The following THADA variants were observed in gnomAD, a reference collection of about 807,000 sequenced individuals.
THADA encodes the protein THADA armadillo repeat containing, also known as tRNA (32-2'-O)-methyltransferase regulator THADA.
In THADA, 213 loss-of-function variants were observed where a neutral mutation model predicts 219.8. The observed-to-expected ratio is 0.97, with a 90% CI of 0.87 to 1.09. THADA has a LOEUF of 1.09. Among genes scored for constraint, THADA ranks in the 50% least tolerant of loss-of-function variants. THADA has a pLI of 0.00. For synonymous variants in THADA, 1,018 were observed against 828.9 expected (o/e 1.23, Z -3.92); for missense variants, 2,956 against 2,311.3 (o/e 1.28, Z -5.72).
chr2:43,402,902 G>T (rs1424117250), intron 28 of THADA, among the ~76,000 whole-genome samples: 1 of 152,226 alleles, frequency 6.6e-6, no homozygotes, highest in African/African-American at 2.4e-5. Context: ...TGGCAAGAAA[G>T]AAGTCCTTTC....
At chr2:43,319,475 T>C (rs900017000) in intron 31 of THADA, among the ~76,000 whole-genome samples, 4 of 152,300 alleles carry the variant, frequency 2.6e-5, no homozygotes, top group South Asian at 4.1e-4. Context: ...TGGGCTAATA[T>C]ACATCGATCT....
chr2:43,266,825 G>T (rs1177616879), intron 36 of THADA, among the ~76,000 whole-genome samples: 1 of 152,164 alleles, frequency 6.6e-6, no homozygotes, highest in Admixed American at 6.5e-5. Flanking sequence ...CAGGTTGACT[G>T]GCACAAGGAG....
At chr2:43,455,021 A>G (rs1437798107) in intron 26 of THADA, among the ~76,000 whole-genome samples, 1 of 151,702 alleles carries the variant, frequency 6.6e-6, no homozygotes, top group Non-Finnish European at 1.5e-5. Context: ...CATGTTCTTT[A>G]GTTCTACATG....
At chr2:43,291,051 T>C (rs966358499) in intron 34 of THADA, among the ~76,000 whole-genome samples, 12 of 151,998 alleles carry the variant, frequency 7.9e-5, no homozygotes, top group South Asian at 2.1e-4. Context: ...CTTACTCCTC[T>C]TTAAATAAAG....
chr2:43,515,361 TATATA>T (rs1691578295), intron 22 of THADA, among the ~76,000 whole-genome samples: 1 of 86,644 alleles, frequency 1.2e-5, no homozygotes, highest in Non-Finnish European at 2.1e-5. Flanking sequence ...TTATATATAA[TATATA>T]ATATATAATA....
chr2:43,524,306 T>C (rs1692879376), intron 22 of THADA, among the ~76,000 whole-genome samples: 1 of 152,230 alleles, frequency 6.6e-6, no homozygotes, highest in Non-Finnish European at 1.5e-5. Context: ...TAGATGATTG[T>C]TTAATAGTGA....
chr2:43,294,122 T>TA (rs1675076042), intron 31 of THADA, among the ~76,000 whole-genome samples: 1 of 152,232 alleles, frequency 6.6e-6, no homozygotes, highest in African/African-American at 2.4e-5. Context: ...AGCCCAAGTA[T>TA]ATCCCTGTTA....
chr2:43,393,406 G>C (rs576780389), intron 29 of THADA, among the ~76,000 whole-genome samples: 3 of 152,256 alleles, frequency 2.0e-5, no homozygotes, highest in East Asian at 1.9e-4. Flanking sequence ...ACAGGCTTTA[G>C]AGTTTAATAT....
intron 11 of THADA, among the ~76,000 whole-genome samples, chr2:43,573,848 G>A (rs1445122996): frequency 1.3e-5 from 2 of 152,116 alleles, no homozygotes; most frequent in Admixed American, 6.5e-5. Flanking sequence ...TCAATGGGAT[G>A]TTTACCCCTA....
At chr2:43,594,666 T>G (rs1368312376) in intron 1 of THADA, among the ~76,000 whole-genome samples, 3 of 152,188 alleles carry the variant, frequency 2.0e-5, no homozygotes, top group Non-Finnish European at 4.4e-5. Flanking sequence ...CCTGCCTTCC[T>G]CCACTCTTCA....
intron 28 of THADA, among the ~76,000 whole-genome samples, chr2:43,418,159 T>C (rs1320755192): frequency 2.0e-5 from 3 of 152,186 alleles, no homozygotes; most frequent in East Asian, 1.9e-4. Flanking sequence ...AATGAATAAA[T>C]GAATTTGCCC....
rs759256470 is a variant in THADA, at chr2:43,279,913, G to A, written c.5165-17C>T. ...CCTGCAACTCTAAGAAGACCAAAAG[G>A]AATCTGAATTACCTAGAATGCAATT... On this transcript the variant is annotated splice_polypyrimidine_tract_variant and intron_variant, in intron 35 of 37. Coordinates refer to ENST00000405975, the MANE Select transcript of THADA (RefSeq NM_022065.5). The A allele has an allele frequency of 1.3e-6, 2 of 1,500,142 alleles. No individual in the cohort carries two copies. Among genetic ancestry groups the A allele is most frequent in the Non-Finnish European group, 1.8e-6 (2 of 1,130,556 alleles). The allele number at this position is 1,500,142 out of a possible 1,614,324, so 92.9% of individuals were successfully genotyped here. A position where few individuals can be genotyped will look rare whatever the true frequency, so the allele number is the denominator to read the frequency against.
chr2:43,548,877 G>A (rs1050126272), intron 20 of THADA, among the ~76,000 whole-genome samples: 1 of 152,180 alleles, frequency 6.6e-6, no homozygotes, highest in African/African-American at 2.4e-5. Flanking sequence ...TGCACCCACT[G>A]TCCTGCGCCC....
chr2:43,484,940 T>TAAAA (rs1185045428), intron 26 of THADA, among the ~76,000 whole-genome samples: 1 of 130,320 alleles, frequency 7.7e-6, no homozygotes, highest in Non-Finnish European at 1.6e-5. Context: ...AAGATGCAAT[T>TAAAA]AAAAAAAAAA....
intron 36 of THADA, among the ~76,000 whole-genome samples, chr2:43,275,543 G>A (rs1672633695): frequency 6.6e-6 from 1 of 152,112 alleles, no homozygotes; most frequent in Non-Finnish European, 1.5e-5. Flanking sequence ...GTTCTGCCTG[G>A]GGACCTCCTG....
Position 43,566,369 on chromosome 2 carries a change from T to C in THADA, c.2311+329A>G, listed in dbSNP as rs758851569. ...AATAGAAGCTATTATTATTTCAAAT[T>C]TTAAAACTTAAAGAACAGATTGGAT... On this transcript the variant is annotated intron_variant, in intron 15 of 37. Coordinates refer to ENST00000405975, the MANE Select transcript of THADA (RefSeq NM_022065.5). The C allele has an allele frequency of 1.8e-4, 110 of 601,980 alleles. No individual in the cohort carries two copies. In the East Asian group the frequency reaches 3.1e-3, roughly 17 times the overall value. 37.3% of individuals were successfully genotyped at this position (601,980 alleles called of 1,614,324 possible).
chr2:43,319,908 T>C (rs557911602), intron 31 of THADA, among the ~76,000 whole-genome samples: 4 of 152,260 alleles, frequency 2.6e-5, no homozygotes, highest in Non-Finnish European at 5.9e-5. Context: ...AAAAACCACT[T>C]TGCAAATCAT....
At chr2:43,417,064 C>T (rs1256087312) in intron 28 of THADA, among the ~76,000 whole-genome samples, 4 of 94,654 alleles carry the variant, frequency 4.2e-5, no homozygotes, top group Admixed American at 1.2e-4. Context: ...TTTTTTGAGA[C>T]GGAGTGGCTG....
chr2:43,352,858 C>G (rs1668440594), intron 29 of THADA, among the ~76,000 whole-genome samples: 1 of 152,182 alleles, frequency 6.6e-6, no homozygotes, highest in African/African-American at 2.4e-5. Flanking sequence ...GTAATTGCTA[C>G]TTTGTATCCT....
Sources: allele counts gnomAD v4.1 joint callset (sites outside exome capture counted in the v4.1 genomes callset), GRCh38; gene constraint gnomAD v4.1.1; transcripts MANE v1.5; gene names NCBI Gene and HGNC (gene_info 2026-07-23, HGNC 2026-07-21).